The following WASF1 variants were observed in gnomAD, a reference collection of about 807,000 sequenced individuals.
The protein encoded by WASF1 is actin-binding protein WASF1.
Under a neutral mutation model 50.5 loss-of-function variants are expected in WASF1, and 7 were observed. That is an observed-to-expected ratio of 0.14 (90% CI 0.08 to 0.26). The LOEUF (loss-of-function observed/expected upper bound fraction) is 0.26, where lower values mean the gene tolerates loss of function less well. WASF1 is among the 10% of genes least tolerant of loss of function. WASF1 has a pLI of 1.00. For synonymous variants in WASF1, 205 were observed against 244.0 expected (o/e 0.84, Z 1.49); for missense variants, 470 against 694.7 (o/e 0.68, Z 3.64).
intron 2 of WASF1, among the ~76,000 whole-genome samples, chr6:110,172,541 G>C (rs1776763208): frequency 6.6e-6 from 1 of 151,948 alleles, no homozygotes; most frequent in African/African-American, 2.4e-5. Flanking sequence ...ATCAACCTAA[G>C]TGTCCATCAA....
chr6:110,100,559 T>G lies in WASF1; in HGVS notation c.1643A>C (p.Asp548Ala). ...ATCTACTTCATCAAATTCTGAATCATCTTCCGAATCACTATATTCAACAGC... is the reference window on the plus strand; with the variant it reads ...ATCTACTTCATCAAATTCTGAATCAGCTTCCGAATCACTATATTCAACAGC... ...RIAVEYSDSE[D>A]DSEFDEVDWL... Residue 548 changes from aspartate (D) to alanine (A), a missense_variant, in exon 11 of 11, where the codon GAT becomes GCT. Asp to Ala is a moderately radical substitution (Grantham distance 126). Around this residue, in one of 3 missense-constraint regions of WASF1, gnomAD observed 36 missense variants for 90.7 expected, o/e 0.40. Transcript: ENST00000392589. 1 of 1,613,150 alleles carries G rather than the reference T, an allele frequency of 6.2e-7. No individual in the cohort carries two copies.
intron 3 of WASF1, among the ~76,000 whole-genome samples, chr6:110,143,929 G>A (rs1775399524): frequency 6.6e-6 from 1 of 152,194 alleles, no homozygotes; most frequent in Non-Finnish European, 1.5e-5. Flanking sequence ...ACATACGTGT[G>A]CATGTGTCTT....
intron 3 of WASF1, among the ~76,000 whole-genome samples, chr6:110,149,259 T>C (rs1775716601): frequency 6.6e-6 from 1 of 152,074 alleles, no homozygotes; most frequent in Non-Finnish European, 1.5e-5. Flanking sequence ...ATGCCCGCTT[T>C]ACCTATTTCA....
At chr6:110,153,929 G>A (rs1775938567) in intron 3 of WASF1, among the ~76,000 whole-genome samples, 1 of 152,120 alleles carries the variant, frequency 6.6e-6, no homozygotes, top group African/African-American at 2.4e-5. Context: ...AAGAGGGACT[G>A]TGCTTGTATT....
chr6:110,134,280 T>C (rs111883636), intron 3 of WASF1, among the ~76,000 whole-genome samples: 4,181 of 152,208 alleles, frequency 0.027, 187 homozygotes, highest in African/African-American at 0.095. Context: ...ACATGTGGCT[T>C]GCCGATTATC....
At chr6:110,102,830 GATA>G (rs1773154065) in intron 9 of WASF1, among the ~76,000 whole-genome samples, 1 of 151,996 alleles carries the variant, frequency 6.6e-6, no homozygotes, top group South Asian at 2.1e-4. Flanking sequence ...TTATCATTTG[GATA>G]ATAACTGACA....
intron 2 of WASF1, among the ~76,000 whole-genome samples, chr6:110,166,703 C>A (rs567030438): frequency 1.3e-5 from 2 of 151,758 alleles, no homozygotes; most frequent in Non-Finnish European, 2.9e-5. Flanking sequence ...CAGAGTCTGA[C>A]CACAGATCAG....
At chr6:110,136,131 G>A (rs778017750) in intron 3 of WASF1, among the ~76,000 whole-genome samples, 6 of 151,864 alleles carry the variant, frequency 4.0e-5, no homozygotes, top group Admixed American at 2.0e-4. Context: ...TGATCTGCCC[G>A]CCTCAGCCTC....
At chr6:110,169,444 T>G (rs951833841) in intron 2 of WASF1, among the ~76,000 whole-genome samples, 1 of 152,134 alleles carries the variant, frequency 6.6e-6, no homozygotes, top group Non-Finnish European at 1.5e-5. Context: ...AGTACTGGAT[T>G]CTCCATTAAC....
At chr6:110,122,509 A>G (rs956190304) in intron 4 of WASF1, among the ~76,000 whole-genome samples, 1 of 152,066 alleles carries the variant, frequency 6.6e-6, no homozygotes, top group Non-Finnish European at 1.5e-5. Context: ...TACTACTTCT[A>G]CCTCCTCCAC....
At chr6:110,146,114 C>A (rs1451251293) in intron 3 of WASF1, among the ~76,000 whole-genome samples, 1 of 152,046 alleles carries the variant, frequency 6.6e-6, no homozygotes, top group African/African-American at 2.4e-5. Flanking sequence ...CACATGTACC[C>A]TAAAACTTAA....
In WASF1 at chr6:110,101,719, C is replaced by A; in HGVS notation, c.1391G>T (p.Gly464Val). ...TGGAGGCATTAATGGAACATGGGGA[C>A]CTGGGGCAGTAGATGGAGTTGGATG... ...GLHPTPSTAPGPHVPLMPPSP... is the reference protein window; with the variant it reads ...GLHPTPSTAPVPHVPLMPPSP... Residue 464 changes from glycine (G) to valine (V), a missense_variant, in exon 10 of 11, where the codon GGT becomes GTT. Gly to Val is a moderately radical substitution (Grantham distance 109). Around this residue, in one of 3 missense-constraint regions of WASF1, gnomAD observed 294 missense variants for 343.5 expected, o/e 0.86. Coordinates refer to ENST00000392589, the MANE Select transcript of WASF1 (RefSeq NM_003931.3). 1 of 1,613,978 alleles carries A rather than the reference C, an allele frequency of 6.2e-7. No homozygotes were observed. Among genetic ancestry groups the A allele is most frequent in the Non-Finnish European group, 8.5e-7 (1 of 1,179,976 alleles).
chr6:110,101,411 AT>A (rs748086745), intron 10 of WASF1, among the ~76,000 whole-genome samples, 176 bp downstream of exon 10: 20 of 152,216 alleles, frequency 1.3e-4, no homozygotes, highest in Non-Finnish European at 1.9e-4. Context: ...AATGTGATAT[AT>A]TTTCTGGAAA....
chr6:110,160,945 T>C (rs1179964698), intron 2 of WASF1, among the ~76,000 whole-genome samples: 1 of 151,526 alleles, frequency 6.6e-6, no homozygotes, highest in Non-Finnish European at 1.5e-5. Flanking sequence ...CAATTATGAA[T>C]TTGAAATTAT....
intron 4 of WASF1, among the ~76,000 whole-genome samples, chr6:110,115,317 C>T (rs1773753208): frequency 6.6e-6 from 1 of 151,930 alleles, no homozygotes; most frequent in African/African-American, 2.4e-5. Flanking sequence ...CAAATGCAGT[C>T]GGGTTTATCA....
At chr6:110,103,841 C>A (rs925446997) in intron 8 of WASF1, among the ~76,000 whole-genome samples, 2 of 152,122 alleles carry the variant, frequency 1.3e-5, no homozygotes, top group Non-Finnish European at 2.9e-5. Context: ...AAAAGCATTA[C>A]GTACGTAATT....
intron 3 of WASF1, among the ~76,000 whole-genome samples, chr6:110,132,585 G>A (rs1774731412): frequency 6.6e-6 from 1 of 151,826 alleles, no homozygotes; most frequent in Non-Finnish European, 1.5e-5. Context: ...GTATTTGGGT[G>A]CATGTATAAG....
In WASF1 at chr6:110,102,101, T is replaced by A; in HGVS notation, c.1009A>T (p.Thr337Ser). ...PPPPLPSALS[T>S]SSLRASMTST... ...GTCATTGAAGCTCTTAATGAGGAAG[T>A]TGACAAGGCAGATGGAAGAGGTGGT... The change falls in exon 10 of 11, where the codon ACT becomes TCT. Residue 337 changes from threonine (T) to serine (S), a missense_variant. Around this residue, in one of 3 missense-constraint regions of WASF1, gnomAD observed 294 missense variants for 343.5 expected, o/e 0.86. Transcript: ENST00000392589. The A allele has an allele frequency of 6.0e-6, 9 of 1,494,944 alleles. No homozygotes were observed. Among genetic ancestry groups the A allele is most frequent in the Non-Finnish European group, 8.0e-6 (9 of 1,122,660 alleles). The allele number at this position is 1,494,944 out of a possible 1,614,324, so 92.6% of individuals were successfully genotyped here. A position where few individuals can be genotyped will look rare whatever the true frequency, so the allele number is the denominator to read the frequency against.
chr6:110,164,954 T>C (rs913016133), intron 2 of WASF1, among the ~76,000 whole-genome samples: 2 of 151,768 alleles, frequency 1.3e-5, no homozygotes, highest in Admixed American at 1.3e-4. Flanking sequence ...AATGGCTACA[T>C]ACTCTATGAT....
Sources: allele counts gnomAD v4.1 joint callset (sites outside exome capture counted in the v4.1 genomes callset), GRCh38; gene constraint gnomAD v4.1.1; regional missense constraint gnomAD v4.1.1; transcripts MANE v1.5; gene names NCBI Gene and HGNC (gene_info 2026-07-23, HGNC 2026-07-21).